TNKS: variants seen among roughly 807,000 people sequenced by gnomAD.
TNKS encodes tankyrase, also known as poly [ADP-ribose] polymerase tankyrase-1.
A neutral mutation model predicts 135.8 loss-of-function variants in TNKS; 72 were observed. The ratio of observed to expected loss-of-function variants is 0.53; its 90% CI spans 0.44 to 0.64. TNKS has a LOEUF of 0.64. Among genes scored for constraint, TNKS ranks in the 30% least tolerant of loss-of-function variants. The pLI is 0.00. For missense variants in TNKS, 1,769 were observed against 1,674.0 expected (o/e 1.06, Z -0.99); for synonymous variants, 849 against 649.3 (o/e 1.31, Z -4.68).
intron 3 of TNKS, among the ~76,000 whole-genome samples, chr8:9,616,978 CAG>C (rs1299670136): frequency 2.8e-4 from 43 of 152,252 alleles, no homozygotes; most frequent in African/African-American, 9.6e-4. Context: ...TGCATAGTAA[CAG>C]GGGTAGGTTA....
intron 17 of TNKS, among the ~76,000 whole-genome samples, chr8:9,739,070 A>G (rs1316035686): frequency 6.7e-6 from 1 of 149,628 alleles, no homozygotes; most frequent in African/African-American, 2.5e-5. Context: ...TAATTAAACT[A>G]AAGAGCTTCT....
At chr8:9,768,843 G>A (rs1441822485) in intron 25 of TNKS, among the ~76,000 whole-genome samples, 1 of 152,192 alleles carries the variant, frequency 6.6e-6, no homozygotes, top group Non-Finnish European at 1.5e-5. Context: ...CAGCATCCCA[G>A]AGGATCATCA....
intron 3 of TNKS, among the ~76,000 whole-genome samples, chr8:9,629,777 G>A (rs577893146): frequency 9.2e-5 from 14 of 152,268 alleles, no homozygotes; most frequent in African/African-American, 3.4e-4. Flanking sequence ...CCGCCTCCCC[G>A]GTTCATGCCA....
chr8:9,761,647 C>CAA lies in TNKS; in HGVS notation c.3274+12_3274+13insAA. 1.3e-6 allele frequency: 2 copies of CAA among 1,563,872 alleles called. No individual in the cohort carries two copies. Among genetic ancestry groups the CAA allele is most frequent in the East Asian group, 2.3e-5 (1 of 43,212 alleles). The stretch of plus-strand genomic sequence containing the variant: ...TAGGTGGACAACAAGGTAAGCTATT[C>CAA]AGAAAAAAAAAAAAATTTCAGAAAT... On this transcript the variant is annotated intron_variant, in intron 21 of 26. Coordinates refer to ENST00000310430, the MANE Select transcript of TNKS (RefSeq NM_003747.3).
At chr8:9,686,761 A>G (rs1047812040) in intron 5 of TNKS, among the ~76,000 whole-genome samples, 2 of 152,174 alleles carry the variant, frequency 1.3e-5, no homozygotes, top group African/African-American at 2.4e-5. Context: ...ATTGTGGGAA[A>G]AAGCAGGAAC....
At chr8:9,621,255 C>T (rs969492437) in intron 3 of TNKS, among the ~76,000 whole-genome samples, 5 of 151,818 alleles carry the variant, frequency 3.3e-5, no homozygotes, top group African/African-American at 9.7e-5. Flanking sequence ...GATGAAGCTG[C>T]CTGCAGCTGT....
At chr8:9,615,056 T>C (rs1391895092) in intron 2 of TNKS, among the ~76,000 whole-genome samples, 1 of 152,194 alleles carries the variant, frequency 6.6e-6, no homozygotes, top group Non-Finnish European at 1.5e-5. Context: ...TTACACACAT[T>C]ACTATGTCTG....
intron 26 of TNKS, chr8:9,772,543 A>G (rs1807973758): frequency 1.3e-5 from 5 of 384,982 alleles, no homozygotes; most frequent in South Asian, 6.0e-5. Context: ...CATGAGGCCC[A>G]AGAGACATGA....
chr8:9,770,001 T>G, intron 25 of TNKS, 105 bp from the exon 26 acceptor site: 1 of 976,668 alleles, frequency 1.0e-6, no homozygotes. Flanking sequence ...ACATTTAAAT[T>G]AGCTTGCCTT....
intron 1 of TNKS, among the ~76,000 whole-genome samples, chr8:9,578,061 G>T (rs1258219747): frequency 6.6e-6 from 1 of 152,172 alleles, no homozygotes; most frequent in Non-Finnish European, 1.5e-5. Context: ...TGACTCCACG[G>T]CTCACATCCA....
At position 9,614,444 on chromosome 8, in the gene TNKS, C is replaced by G. The variant is rs531290324; in HGVS notation, c.899-1138C>G. Among the ~76,000 whole-genome samples the G allele has an allele frequency of 1.3e-4, 20 of 152,266 alleles. No homozygotes were observed. In the East Asian group the frequency reaches 3.3e-3, roughly 25 times the overall value. On this transcript the variant is annotated intron_variant, in intron 2 of 26. Transcript: ENST00000310430. Reference sequence around the variant, plus strand: ...GGCTCACCTTCCTGGCAGCTGTGTCCTAGTTCTGGATAAGGCTGTTGTTTG... The same window carrying G: ...GGCTCACCTTCCTGGCAGCTGTGTCGTAGTTCTGGATAAGGCTGTTGTTTG...
At chr8:9,757,961 T>C (rs1428760401) in intron 20 of TNKS, among the ~76,000 whole-genome samples, 2 of 152,220 alleles carry the variant, frequency 1.3e-5, no homozygotes, top group African/African-American at 4.8e-5. Context: ...TTGGACACCA[T>C]GTAACTCACT....
At chr8:9,715,581 G>A (rs184693150) in intron 11 of TNKS, among the ~76,000 whole-genome samples, 5 of 152,230 alleles carry the variant, frequency 3.3e-5, no homozygotes, top group African/African-American at 1.2e-4. Context: ...CAACAAAACA[G>A]TGAAGACCAA....
chr8:9,588,072 T>A (rs1175419587), intron 2 of TNKS, among the ~76,000 whole-genome samples: 2 of 152,182 alleles, frequency 1.3e-5, no homozygotes, highest in African/African-American at 4.8e-5. Flanking sequence ...CTCATATTTG[T>A]GCTTAAATGA....
intron 1 of TNKS, among the ~76,000 whole-genome samples, chr8:9,565,598 C>T (rs959070015): frequency 1.3e-5 from 2 of 152,146 alleles, no homozygotes; most frequent in Non-Finnish European, 2.9e-5. Context: ...TGGTGGCTCA[C>T]GCCTGTAATC....
chr8:9,705,017 G>C (rs1031846166), intron 6 of TNKS, among the ~76,000 whole-genome samples: 1 of 152,038 alleles, frequency 6.6e-6, no homozygotes, highest in Non-Finnish European at 1.5e-5. Flanking sequence ...TGCAGTTAGG[G>C]TTTTTCAACT....
rs1808353656 is a variant in TNKS at position 9,778,957 on chromosome 8, T to C, written c.*2221T>C. The C allele has an allele frequency of 6.6e-6, 1 of 152,234 alleles. No individual in the cohort carries two copies. 9.4% of individuals were successfully genotyped at this position (152,234 alleles called of 1,614,324 possible). A position where few individuals can be genotyped will look rare whatever the true frequency, so the allele number is the denominator to read the frequency against. The stretch of plus-strand genomic sequence containing the variant: ...ATGAATGGATGCGCCAGTTTTCATC[T>C]TGGTCCTTACACTTGAGAAGTTAAA... On this transcript the variant is annotated 3_prime_UTR_variant, in exon 27 of 27. Coordinates refer to ENST00000310430, the MANE Select transcript of TNKS (RefSeq NM_003747.3).
At chr8:9,643,126 A>G (rs575343917) in intron 3 of TNKS, among the ~76,000 whole-genome samples, 4 of 146,486 alleles carry the variant, frequency 2.7e-5, no homozygotes, top group African/African-American at 1.0e-4. Flanking sequence ...AAATTTACTC[A>G]TTAGACATAA....
chr8:9,757,453 T>G (rs1033884375), intron 20 of TNKS, among the ~76,000 whole-genome samples: 1 of 152,222 alleles, frequency 6.6e-6, no homozygotes, highest in Non-Finnish European at 1.5e-5. Context: ...TGATTTTCCC[T>G]TTGCACATGG....
Sources: allele counts gnomAD v4.1 joint callset (sites outside exome capture counted in the v4.1 genomes callset), GRCh38; gene constraint gnomAD v4.1.1; transcripts MANE v1.5; gene names NCBI Gene and HGNC (gene_info 2026-07-23, HGNC 2026-07-21).